GSTCD: variants seen among roughly 807,000 people sequenced by gnomAD.
GSTCD encodes glutathione S-transferase C-terminal domain containing, also known as glutathione S-transferase C-terminal domain-containing protein.
GSTCD carries 44 observed loss-of-function variants against 68.3 expected under a neutral mutation model. The observed-to-expected ratio is 0.64, with a 90% confidence interval of 0.51 to 0.83. The LOEUF is 0.83. Ranked by LOEUF, GSTCD falls within the 40% of genes least tolerant of loss-of-function variation. The probability of loss-of-function intolerance (pLI) is 0.00; values close to 1 mark genes in which losing one functional copy is unlikely to be tolerated. For missense variants in GSTCD, 739 were observed against 735.9 expected, an observed-to-expected ratio of 1.00 and a Z score of -0.05; for synonymous variants, 273 against 255.2, an observed-to-expected ratio of 1.07 and a Z score of -0.67.
intron 5 of GSTCD, among the ~76,000 whole-genome samples, chr4:105,734,164 C>G (rs1445588234): frequency 1.3e-5 from 2 of 152,084 alleles, no homozygotes; most frequent in African/African-American, 4.8e-5. Context: ...AATTATGTGT[C>G]TTGGAGTTGC....
chr4:105,709,612 T>C (rs371844878), intron 1 of GSTCD, among the ~76,000 whole-genome samples: 1 of 152,184 alleles, frequency 6.6e-6, no homozygotes, highest in Non-Finnish European at 1.5e-5. Context: ...CTAATACACG[T>C]ACTTCCCATC....
chr4:105,791,054 T>G (rs532896990), intron 5 of GSTCD, among the ~76,000 whole-genome samples: 1 of 151,744 alleles, frequency 6.6e-6, no homozygotes, highest in African/African-American at 2.4e-5. Flanking sequence ...AGAACAGAAA[T>G]AGAAGACAGC....
At chr4:105,796,131 G>C (rs1264128155) in intron 5 of GSTCD, among the ~76,000 whole-genome samples, 1 of 152,188 alleles carries the variant, frequency 6.6e-6, no homozygotes, top group Non-Finnish European at 1.5e-5. Context: ...CCACATGGCT[G>C]GGGAGGCCTC....
chr4:105,753,412 T>C (rs868226971), intron 5 of GSTCD: 3 of 152,088 alleles, frequency 2.0e-5, no homozygotes, highest in African/African-American at 7.2e-5. Context: ...TTTGTAGTTA[T>C]ATATAAATTA....
intron 5 of GSTCD, chr4:105,760,931 C>A: frequency 3.2e-6 from 1 of 310,284 alleles, no homozygotes; most frequent in South Asian, 2.7e-5. Flanking sequence ...AACCATTTTC[C>A]ATGATCTCAG....
At chr4:105,788,533 C>A (rs1436258169) in intron 5 of GSTCD, among the ~76,000 whole-genome samples, 2 of 151,902 alleles carry the variant, frequency 1.3e-5, no homozygotes, top group Non-Finnish European at 2.9e-5. Context: ...TCTTTTTCTG[C>A]CTGCTTTGAG....
At chr4:105,780,704 TAGA>T (rs1166288601) in intron 5 of GSTCD, among the ~76,000 whole-genome samples, 2 of 152,206 alleles carry the variant, frequency 1.3e-5, no homozygotes, top group African/African-American at 2.4e-5. Flanking sequence ...TCTTTTATAA[TAGA>T]AGTATTAATT....
intron 5 of GSTCD, 30 bp from the exon 6 acceptor site, chr4:105,822,924 T>G (rs777242607): frequency 2.0e-6 from 3 of 1,506,966 alleles, no homozygotes; most frequent in Non-Finnish European, 2.8e-6. Flanking sequence ...TATATAATGT[T>G]TTGTGTTCTT....
intron 9 of GSTCD, among the ~76,000 whole-genome samples, chr4:105,836,751 C>A (rs539892602): frequency 3.9e-4 from 60 of 152,318 alleles, no homozygotes; most frequent in African/African-American, 1.4e-3. Flanking sequence ...ACTACCACTT[C>A]CTGTCTTTTT....
In GSTCD at chr4:105,822,343, T is replaced by TC. The variant is rs544622207; in HGVS notation, c.1241-609dup. On this transcript the variant is annotated intron_variant, in intron 5 of 11. Coordinates refer to ENST00000515279, the MANE Select transcript of GSTCD (RefSeq NM_001370181.1). ...AAGCTTCAAAGCAGAAAACAGAAAATCCAATTTCTCCCTAAATACAGTAAC... is the reference window on the plus strand; with the variant it reads ...AAGCTTCAAAGCAGAAAACAGAAAATCCCAATTTCTCCCTAAATACAGTAAC... 2.6e-5 allele frequency among the ~76,000 whole-genome samples: 4 copies of TC among 152,154 alleles called. No individual in the cohort carries two copies. The East Asian group carries it at 5.8e-4, about 22-fold the overall frequency.
intron 5 of GSTCD, among the ~76,000 whole-genome samples, chr4:105,762,066 A>G (rs960331795): frequency 6.6e-6 from 1 of 152,206 alleles, no homozygotes; most frequent in African/African-American, 2.4e-5. Flanking sequence ...AAGTGTGTGA[A>G]TCCTCAGTCC....
intron 5 of GSTCD, among the ~76,000 whole-genome samples, chr4:105,733,725 C>G (rs1351893623): frequency 6.6e-6 from 1 of 152,126 alleles, no homozygotes; most frequent in Non-Finnish European, 1.5e-5. Flanking sequence ...TTGATCCTGT[C>G]ATTATGATGT....
intron 7 of GSTCD, chr4:105,823,646 G>A: frequency 1.3e-5 from 2 of 152,474 alleles, no homozygotes; most frequent in Admixed American, 6.6e-5. Context: ...TCTTGATTTT[G>A]ATCCATTGCA....
At chr4:105,824,875 T>G (rs933835608) in intron 7 of GSTCD, among the ~76,000 whole-genome samples, 1 of 152,118 alleles carries the variant, frequency 6.6e-6, no homozygotes, top group Non-Finnish European at 1.5e-5. Context: ...CTTTCTCATC[T>G]TGGGCCTTCA....
chr4:105,794,962 C>T (rs1040777440), intron 5 of GSTCD, among the ~76,000 whole-genome samples: 1 of 151,682 alleles, frequency 6.6e-6, no homozygotes, highest in Non-Finnish European at 1.5e-5. Context: ...GCAACCTCCG[C>T]CTCCCGGGTT....
chr4:105,733,191 A>C (rs1733318004), intron 5 of GSTCD, among the ~76,000 whole-genome samples: 1 of 152,096 alleles, frequency 6.6e-6, no homozygotes. Context: ...AGTTCTGTAG[A>C]TGTGTATTTG....
intron 5 of GSTCD, among the ~76,000 whole-genome samples, chr4:105,806,451 A>G (rs1404336637): frequency 6.6e-6 from 1 of 151,964 alleles, no homozygotes; most frequent in African/African-American, 2.4e-5. Flanking sequence ...CTGTTTTTAT[A>G]TTTGGCCATT....
At chr4:105,713,607 C>A (rs1578402769) in intron 1 of GSTCD, among the ~76,000 whole-genome samples, 1 of 152,016 alleles carries the variant, frequency 6.6e-6, no homozygotes, top group African/African-American at 2.4e-5. Context: ...AAATAAAATA[C>A]TTTTAAGGAT....
At chr4:105,734,266 A>C (rs1053838245) in intron 5 of GSTCD, among the ~76,000 whole-genome samples, 7 of 152,116 alleles carry the variant, frequency 4.6e-5, no homozygotes, top group African/African-American at 7.2e-5. Context: ...CTCCTGGATA[A>C]TATCCTGCAG....
Sources: allele counts gnomAD v4.1 joint callset (sites outside exome capture counted in the v4.1 genomes callset), GRCh38; gene constraint gnomAD v4.1.1; transcripts MANE v1.5; gene names NCBI Gene and HGNC (gene_info 2026-07-23, HGNC 2026-07-21).